The following AGPS variants were observed in gnomAD, a reference collection of about 807,000 sequenced individuals.
AGPS encodes the protein alkylglycerone phosphate synthase.
Under a neutral mutation model 90.7 loss-of-function variants are expected in AGPS, and 26 were observed. The ratio of observed to expected loss-of-function variants is 0.29; its 90% CI spans 0.21 to 0.40. AGPS has a LOEUF of 0.40. AGPS is among the 10% of genes least tolerant of loss of function. The pLI is 1.00. For missense variants in AGPS, 540 were observed against 816.1 expected (o/e 0.66, Z 4.12); for synonymous variants, 294 against 285.3 (o/e 1.03, Z -0.31).
intron 1 of AGPS, among the ~76,000 whole-genome samples, chr2:177,401,275 A>C (rs936990850): frequency 1.3e-5 from 2 of 152,158 alleles, no homozygotes; most frequent in Non-Finnish European, 2.9e-5. Context: ...CATAGTGTTA[A>C]CACTAGTCCC....
chr2:177,521,480 T>C (rs1689191871), intron 18 of AGPS, 112 bp downstream of exon 18: 1 of 891,204 alleles, frequency 1.1e-6, no homozygotes, highest in African/African-American at 1.7e-5. Flanking sequence ...ATGGTTTGCC[T>C]AGCTGTTAGC....
chr2:177,505,642 G>A, intron 15 of AGPS, 67 bp downstream of exon 15: 1 of 1,392,758 alleles, frequency 7.2e-7, no homozygotes, highest in Non-Finnish European at 1.0e-6. Flanking sequence ...CTTACTTTAA[G>A]TGAATGCAAT....
chr2:177,517,806 C>T (rs1689065170), intron 17 of AGPS, among the ~76,000 whole-genome samples: 1 of 152,160 alleles, frequency 6.6e-6, no homozygotes, highest in Non-Finnish European at 1.5e-5. Flanking sequence ...AATATGATTA[C>T]CTAACTCACA....
At chr2:177,497,557 AAC>A (rs1209301076) in intron 12 of AGPS, 130 bp from the exon 13 acceptor site, 12 of 412,394 alleles carry the variant, frequency 2.9e-5, no homozygotes, top group Non-Finnish European at 4.9e-5. Context: ...TTATGTAAAT[AAC>A]ACGGGAAGAT....
chr2:177,515,396 A>G (rs558153637), intron 17 of AGPS, among the ~76,000 whole-genome samples: 4 of 152,286 alleles, frequency 2.6e-5, no homozygotes, highest in South Asian at 2.1e-4. Context: ...AGTCAAATCT[A>G]TTCTTGTGTA....
intron 8 of AGPS, among the ~76,000 whole-genome samples, chr2:177,461,402 G>A (rs934912378): frequency 6.6e-6 from 1 of 152,236 alleles, no homozygotes; most frequent in Non-Finnish European, 1.5e-5. Context: ...GACTCCTTGA[G>A]AGAATTAAGT....
At chr2:177,505,461 A>G in intron 14 of AGPS, 45 bp from the exon 15 acceptor site, 1 of 1,502,250 alleles carries the variant, frequency 6.7e-7, no homozygotes, top group Non-Finnish European at 9.3e-7. Flanking sequence ...ATGATAAATG[A>G]GATTAAGATA....
intron 10 of AGPS, among the ~76,000 whole-genome samples, chr2:177,478,399 A>G (rs1268813339): frequency 2.0e-5 from 3 of 152,130 alleles, no homozygotes; most frequent in East Asian, 1.9e-4. Flanking sequence ...TTTTTAATAA[A>G]TTTAGGAAGT....
At chr2:177,490,925 G>A (rs1231319112) in intron 11 of AGPS, among the ~76,000 whole-genome samples, 2 of 134,164 alleles carry the variant, frequency 1.5e-5, no homozygotes, top group African/African-American at 2.8e-5. Flanking sequence ...GTGCAATCTC[G>A]GCTCACTGCA....
intron 7 of AGPS, among the ~76,000 whole-genome samples, chr2:177,442,828 C>CA (rs71007994): frequency 0.012 from 1,176 of 99,356 alleles, 17 homozygotes; most frequent in Middle Eastern, 0.05. Context: ...GCCTGGGTGA[C>CA]AAAAAAAAAA....
At chr2:177,509,034 A>G (rs969584439) in intron 16 of AGPS, among the ~76,000 whole-genome samples, 1 of 152,186 alleles carries the variant, frequency 6.6e-6, no homozygotes, top group African/African-American at 2.4e-5. Context: ...TGAAGTGTAT[A>G]GGACGGAACA....
intron 1 of AGPS, among the ~76,000 whole-genome samples, chr2:177,396,956 T>TTTTTTC (rs1685194954): frequency 6.6e-6 from 1 of 151,386 alleles, no homozygotes; most frequent in Non-Finnish European, 1.5e-5. Context: ...TTTTTTTTTT[T>TTTTTTC]GCTATGGAGT....
intron 1 of AGPS, among the ~76,000 whole-genome samples, chr2:177,409,461 T>C (rs1205648071): frequency 1.3e-5 from 2 of 151,828 alleles, no homozygotes; most frequent in Non-Finnish European, 2.9e-5. Flanking sequence ...ATCTGATTGG[T>C]TGGGTGTGAG....
chr2:177,449,559 G>C (rs1034250013), intron 8 of AGPS, among the ~76,000 whole-genome samples: 3 of 152,098 alleles, frequency 2.0e-5, no homozygotes, highest in African/African-American at 7.2e-5. Flanking sequence ...GAGTAACTGA[G>C]ACCACAGGCA....
rs1191763373 is a variant in AGPS, at chr2:177,442,420, T to G, written c.723T>G (p.Val241=). 6.2e-7 allele frequency: 1 copy of G among 1,613,756 alleles called. No homozygotes were observed. The highest frequency in any genetic ancestry group is 8.5e-7 in the Non-Finnish European group (1 of 1,179,620). The change falls in exon 7 of 20, where the codon GTT becomes GTG. Residue 241 remains valine (V), a synonymous_variant. Coordinates refer to ENST00000264167, the MANE Select transcript of AGPS (RefSeq NM_003659.4). Reference sequence around the variant, plus strand: ...CTATTTTGGCAGGAGGAACAAGTGTTTCATATGGCCTGATGTGTCCTGCAG... The same window carrying G: ...CTATTTTGGCAGGAGGAACAAGTGTGTCATATGGCCTGATGTGTCCTGCAG... The part of the protein sequence containing the change: ...CIIPIGGGTS[V]SYGLMCPADE...
intron 8 of AGPS, among the ~76,000 whole-genome samples, chr2:177,447,027 A>G (rs528614293): frequency 1.6e-4 from 24 of 152,332 alleles, no homozygotes; most frequent in African/African-American, 5.1e-4. Flanking sequence ...CATAATCAAG[A>G]TAACGATAAC....
chr2:177,468,886 T>C (rs1455616759), intron 10 of AGPS, among the ~76,000 whole-genome samples: 1 of 152,088 alleles, frequency 6.6e-6, no homozygotes, highest in Non-Finnish European at 1.5e-5. Flanking sequence ...GATAAAGCAT[T>C]ATCTTATTGT....
intron 3 of AGPS, 43 bp downstream of exon 3, chr2:177,434,460 T>C: frequency 1.4e-6 from 2 of 1,394,418 alleles, no homozygotes; most frequent in Non-Finnish European, 2.0e-6. Context: ...AACTGTGTTT[T>C]TAAAACCCAA....
intron 8 of AGPS, among the ~76,000 whole-genome samples, chr2:177,454,362 A>G (rs1031500874): frequency 2.0e-5 from 3 of 151,830 alleles, no homozygotes; most frequent in Non-Finnish European, 4.4e-5. Flanking sequence ...TTTTAATCTC[A>G]GACATTATAT....
Sources: gnomAD v4.1 joint callset for allele counts (sites outside exome capture counted in the v4.1 genomes callset) on GRCh38, gnomAD v4.1.1 for gene constraint, MANE v1.5 for transcripts, NCBI Gene and HGNC (gene_info 2026-07-23, HGNC 2026-07-21) for gene names.